The following PPP6R2 variants were observed in gnomAD, a reference collection of about 807,000 sequenced individuals.
PPP6R2 encodes protein phosphatase 6 regulatory subunit 2, also known as serine/threonine-protein phosphatase 6 regulatory subunit 2.
Under a neutral mutation model 100.2 loss-of-function variants are expected in PPP6R2, and 62 were observed. The observed-to-expected ratio is 0.62, with a 90% confidence interval of 0.50 to 0.76. The LOEUF (loss-of-function observed/expected upper bound fraction) is 0.76, where lower values mean the gene tolerates loss of function less well. Among genes scored for constraint, PPP6R2 ranks in the 30% least tolerant of loss-of-function variants. PPP6R2 has a pLI of 0.00. For missense variants in PPP6R2, 1,142 were observed against 1,276.3 expected (o/e 0.89, Z 1.60); for synonymous variants, 525 against 514.7 (o/e 1.02, Z -0.27).
At chr22:50,370,391 A>C (rs746704430) in intron 1 of PPP6R2, among the ~76,000 whole-genome samples, 3 of 145,200 alleles carry the variant, frequency 2.1e-5, no homozygotes, top group Admixed American at 1.4e-4. Flanking sequence ...AGGTTCAAGC[A>C]ATTCTCCTGC....
rs1228688725 is a variant in PPP6R2, at chr22:50,437,572, G to A, written c.1750G>A (p.Glu584Lys). 1 of 1,539,342 alleles carries A rather than the reference G, an allele frequency of 6.5e-7. No homozygotes were observed. The highest frequency in any genetic ancestry group is 2.6e-5 in the East Asian group (1 of 38,720). Residue 584 changes from glutamate to lysine, a missense_variant, in exon 16 of 24, where the codon GAG becomes AAG. Physicochemically the swap from Glu to Lys is moderately conservative, Grantham distance 56. Transcript: ENST00000612753. ...NFVDQFGFND[E>K]EFADQDDNIN... The stretch of plus-strand genomic sequence containing the variant: ...CGTGGATCAGTTTGGCTTCAATGAT[G>A]AGGAGTTTGCCGACCAGGACGACAA...
chr22:50,438,544 C>G, intron 18 of PPP6R2, 55 bp from the exon 19 acceptor site: 3 of 1,589,798 alleles, frequency 1.9e-6, no homozygotes, highest in Non-Finnish European at 2.6e-6. Context: ...CACTGACCCT[C>G]CATGTTAGGC....
In PPP6R2 at chr22:50,436,368, G is replaced by T; in HGVS notation, c.1518G>T (p.Gly506=). Residue 506 remains glycine, a splice_region_variant and synonymous_variant, in exon 14 of 24, where the codon GGG becomes GGT. Transcript: ENST00000612753. ...CACCAGGCAGCACTTCCCTTGCAGG[G>T]CTCCCTGCGGACTGCCGTGGCCGCT... ...VQTHISEVIR[G]LPADCRGRWE... is the part of the protein sequence containing the mutation. 1.3e-6 allele frequency: 2 copies of T among 1,571,408 alleles called. No homozygotes were observed. Among genetic ancestry groups the T allele is most frequent in the Non-Finnish European group, 1.7e-6 (2 of 1,158,868 alleles).
chr22:50,330,880 G>A, the PPP6R2 span, among the ~76,000 whole-genome samples: 1 of 152,138 alleles, frequency 6.6e-6, no homozygotes, highest in Non-Finnish European at 1.5e-5. Context: ...AGGGATGCAG[G>A]ACAAGCTGGA....
chr22:50,430,713 A>C (rs1402373927), intron 10 of PPP6R2, among the ~76,000 whole-genome samples: 1 of 152,044 alleles, frequency 6.6e-6, no homozygotes, highest in Non-Finnish European at 1.5e-5. Context: ...GTCTCTACTA[A>C]AAATACAAAA....
At chr22:50,352,404 GTC>G (rs2045504085) in intron 1 of PPP6R2, among the ~76,000 whole-genome samples, 3 of 152,210 alleles carry the variant, frequency 2.0e-5, no homozygotes, top group Middle Eastern at 3.4e-3. Context: ...GACTATTTAA[GTC>G]TGGTTTCGTC....
chr22:50,338,891 GGGTATGTGT>G (rs1287587973), upstream of PPP6R2, among the ~76,000 whole-genome samples: 16 of 124,900 alleles, frequency 1.3e-4, no homozygotes, highest in South Asian at 1.7e-3. Context: ...GTGTTATGTG[GGGTATGTGT>G]GGTGTGTGTG....
intron 10 of PPP6R2, among the ~76,000 whole-genome samples, chr22:50,424,132 G>A (rs545849496): frequency 6.6e-6 from 1 of 152,224 alleles, no homozygotes; most frequent in Non-Finnish European, 1.5e-5. Flanking sequence ...CCAGTGAGCA[G>A]CCCTGGCTGT....
At chr22:50,358,772 A>G (rs1328072453) in intron 1 of PPP6R2, among the ~76,000 whole-genome samples, 1 of 152,068 alleles carries the variant, frequency 6.6e-6, no homozygotes, top group East Asian at 1.9e-4. Flanking sequence ...ATTTTTCTCC[A>G]TATGGATATG....
At chr22:50,400,939 A>G (rs1264107613) in intron 3 of PPP6R2, among the ~76,000 whole-genome samples, 1 of 152,188 alleles carries the variant, frequency 6.6e-6, no homozygotes, top group Non-Finnish European at 1.5e-5. Flanking sequence ...TAGATTACTC[A>G]AATTAATGCT....
chr22:50,383,998 T>TGCACTCCA (rs1448245406), intron 2 of PPP6R2, among the ~76,000 whole-genome samples: 13 of 138,734 alleles, frequency 9.4e-5, no homozygotes, highest in East Asian at 4.3e-4. Context: ...ATCACACCAC[T>TGCACTCCA]GCACTCCAGC....
chr22:50,427,535 G>A (rs2062371412), intron 10 of PPP6R2, among the ~76,000 whole-genome samples: 2 of 152,146 alleles, frequency 1.3e-5, no homozygotes, highest in African/African-American at 4.8e-5. Context: ...GAACACAGAT[G>A]TGTTCCTATG....
In PPP6R2 at chr22:50,434,981, G is replaced by T; in HGVS notation, c.1416G>T (p.Met472Ile). 6.2e-7 allele frequency: 1 copy of T among 1,605,116 alleles called. No homozygotes were observed. The change falls in exon 13 of 24, where the codon ATG (methionine) becomes ATT (isoleucine). Residue 472 changes from methionine to isoleucine, a missense_variant. Physicochemically the swap from Met to Ile is conservative, Grantham distance 10 (BLOSUM62 1). This residue lies in a region of PPP6R2 where 592 missense variants were observed against 758.9 expected (regional missense o/e 0.78). Coordinates refer to ENST00000612753, the MANE Select transcript of PPP6R2 (RefSeq NM_001242898.2). ...TTGCTTTCAGGGCAGCGGGTGGCAT[G>T]AGACGTGGGAACATGGGCCACCTCA... ...ANDHTQAAGGMRRGNMGHLTR... is the reference protein window; with the variant it reads ...ANDHTQAAGGIRRGNMGHLTR...
At chr22:50,427,188 C>CAA (rs201158855) in intron 10 of PPP6R2, among the ~76,000 whole-genome samples, 18 of 94,514 alleles carry the variant, frequency 1.9e-4, no homozygotes, top group East Asian at 1.4e-3. Flanking sequence ...GATTCCATCT[C>CAA]AAAAAAAAAA....
At position 50,394,913 on chromosome 22, in the gene PPP6R2, CAAAAAAAAAAAA is replaced by C. The variant is rs57028687; in HGVS notation, c.227+787_227+798del. The stretch of plus-strand genomic sequence containing the variant: ...TGGGTGACAGAGTGTGACTCTGTCT[CAAAAAAAAAAAA>C]AAAAAAAAGAGTTTTGACTGTCTTG... On this transcript the variant is annotated intron_variant, in intron 3 of 23. Coordinates refer to ENST00000612753, the MANE Select transcript of PPP6R2 (RefSeq NM_001242898.2). Among the ~76,000 whole-genome samples, 436 of 76,458 alleles carry C rather than the reference CAAAAAAAAAAAA, an allele frequency of 5.7e-3. 2 individuals are homozygous for C. Among genetic ancestry groups the C allele is most frequent in the African/African-American group, 0.018 (401 of 22,372 alleles). 50.2% of individuals were successfully genotyped at this position (76,458 alleles called of 152,430 possible). A position where few individuals can be genotyped will look rare whatever the true frequency, so the allele number is the denominator to read the frequency against.
In PPP6R2 at chr22:50,431,113, T is replaced by C; in HGVS notation, c.1126-60T>C. ...TTAGGAAGGGTTTCCCTCAGCTTTGTGGTGTAGCCGGCAGGAGAAAACCGA... is the reference window on the plus strand; with the variant it reads ...TTAGGAAGGGTTTCCCTCAGCTTTGCGGTGTAGCCGGCAGGAGAAAACCGA... On this transcript the variant is annotated intron_variant, in intron 10 of 23. Coordinates refer to ENST00000612753, the MANE Select transcript of PPP6R2 (RefSeq NM_001242898.2). This position sits in a 1 kb window ranked among gnomAD's most constrained non-coding sequence, Gnocchi z 4.8. 7.2e-7 allele frequency: 1 copy of C among 1,385,196 alleles called. No homozygotes were observed. The highest frequency in any genetic ancestry group is 1.0e-6 in the Non-Finnish European group (1 of 985,450). The allele number at this position is 1,385,196 out of a possible 1,614,324, so 85.8% of individuals were successfully genotyped here.
In PPP6R2 at chr22:50,438,122, T is replaced by C. The variant is rs1228298287; in HGVS notation, c.1840-52T>C. 5.7e-6 allele frequency: 9 copies of C among 1,574,656 alleles called. No homozygotes were observed. In the East Asian group the frequency reaches 2.0e-4, roughly 35 times the overall value. The stretch of plus-strand genomic sequence containing the variant: ...CTGGGAGCTCTATGGGGAGAGCGGC[T>C]CCTGTCTCCCCCAGACCCTCTGGAA... On this transcript the variant is annotated intron_variant, in intron 17 of 23. Coordinates refer to ENST00000612753, the MANE Select transcript of PPP6R2 (RefSeq NM_001242898.2).
intron 1 of PPP6R2, among the ~76,000 whole-genome samples, chr22:50,361,262 G>A (rs1033244994): frequency 6.6e-6 from 1 of 152,126 alleles, no homozygotes; most frequent in Non-Finnish European, 1.5e-5. Context: ...GTTATCATAT[G>A]GAGACTGAGA....
intron 1 of PPP6R2, among the ~76,000 whole-genome samples, chr22:50,358,280 G>GT (rs2047036586): frequency 6.6e-6 from 1 of 152,036 alleles, no homozygotes; most frequent in African/African-American, 2.4e-5. Context: ...TTGTTTTGTT[G>GT]TTTCTTATTT....
Sources: allele counts gnomAD v4.1 joint callset (sites outside exome capture counted in the v4.1 genomes callset), GRCh38; gene constraint gnomAD v4.1.1; regional missense constraint gnomAD v4.1.1; non-coding constraint Gnocchi (gnomAD v3.1); transcripts MANE v1.5; gene names NCBI Gene and HGNC (gene_info 2026-07-23, HGNC 2026-07-21).